BNC2: variants seen among roughly 807,000 people sequenced by gnomAD.
BNC2 encodes basonuclin zinc finger protein 2.
In BNC2, 20 loss-of-function variants were observed where a neutral mutation model predicts 76.3. That is an observed-to-expected ratio of 0.26 (90% CI 0.18 to 0.38). The LOEUF (loss-of-function observed/expected upper bound fraction) is 0.38. Ranked by LOEUF, BNC2 falls within the 10% of genes least tolerant of loss-of-function variation. The pLI is 1.00. For missense variants in BNC2, 1,382 were observed against 1,399.8 expected (o/e 0.99, Z 0.20); for synonymous variants, 582 against 514.8 (o/e 1.13, Z -1.77).
chr9:16,756,006 C>G (rs764857189), intron 1 of BNC2, among the ~76,000 whole-genome samples: 1 of 152,184 alleles, frequency 6.6e-6, no homozygotes, highest in Non-Finnish European at 1.5e-5. Context: ...CAAACCAACG[C>G]TAGATATGTG....
chr9:16,640,874 T>C (rs1012254437), intron 3 of BNC2, among the ~76,000 whole-genome samples: 2 of 152,140 alleles, frequency 1.3e-5, no homozygotes, highest in Non-Finnish European at 2.9e-5. Context: ...TTTCAGTTCT[T>C]ACAGTGAAAC....
intron 1 of BNC2, among the ~76,000 whole-genome samples, chr9:16,837,006 A>G (rs1818722611): frequency 6.6e-6 from 1 of 152,226 alleles, no homozygotes; most frequent in Non-Finnish European, 1.5e-5. Context: ...AAAATTTACC[A>G]CATCATAAAT....
intron 1 of BNC2, among the ~76,000 whole-genome samples, chr9:16,829,927 G>A (rs926367865): frequency 1.3e-5 from 2 of 152,152 alleles, no homozygotes; most frequent in Non-Finnish European, 1.5e-5. Context: ...CCACCTACTT[G>A]TGCATGAATC....
intron 1 of BNC2, among the ~76,000 whole-genome samples, chr9:16,862,039 G>C (rs1430065303): frequency 1.3e-5 from 2 of 151,686 alleles, no homozygotes; most frequent in Non-Finnish European, 2.9e-5. Flanking sequence ...AGGGTGTAGA[G>C]AGACTGGAAG....
At chr9:16,540,156 ATTTTTTTTTT>A (rs36075261) in intron 5 of BNC2, among the ~76,000 whole-genome samples, 1 of 118,474 alleles carries the variant, frequency 8.4e-6, no homozygotes, top group African/African-American at 3.2e-5. Context: ...ATTTAACGTG[ATTTTTTTTTT>A]TTTTTTTTTT....
rs34523754 is a variant in BNC2, at chr9:16,497,978, GGTGTGTGTGTGTGTGTGTGTGT to G, written c.669+54530_669+54551del. ...ATCAATGAGTGGATAAAGAAACTGT[GGTGTGTGTGTGTGTGTGTGTGT>G]GTGTGTGTGTGTGTGTGTATGTATT... On this transcript the variant is annotated intron_variant, in intron 5 of 6. Coordinates refer to ENST00000380672, the MANE Select transcript of BNC2 (RefSeq NM_017637.6). Among the ~76,000 whole-genome samples, 1,341 of 134,862 alleles carry G rather than the reference GGTGTGTGTGTGTGTGTGTGTGT, an allele frequency of 9.9e-3. 30 individuals are homozygous for G. The highest frequency in any genetic ancestry group is 0.032 in the African/African-American group (1,233 of 38,126). The allele number at this position is 134,862 out of a possible 152,430, so 88.5% of individuals were successfully genotyped here.
At chr9:16,750,832 T>C (rs976756446) in intron 1 of BNC2, among the ~76,000 whole-genome samples, 1 of 152,240 alleles carries the variant, frequency 6.6e-6, no homozygotes, top group Admixed American at 6.5e-5. Context: ...TCAGAAATGT[T>C]GAAAAATTTG....
At chr9:16,457,116 T>G (rs1255152569) in intron 5 of BNC2, among the ~76,000 whole-genome samples, 2 of 152,198 alleles carry the variant, frequency 1.3e-5, no homozygotes, top group African/African-American at 2.4e-5. Context: ...TATGTAAATA[T>G]GCAAGAAGTG....
chr9:16,442,809 T>C (rs1379825814), intron 5 of BNC2, among the ~76,000 whole-genome samples: 1 of 151,900 alleles, frequency 6.6e-6, no homozygotes, highest in Non-Finnish European at 1.5e-5. Flanking sequence ...GTAGTCAAAT[T>C]GTTAAGAAAT....
chr9:16,721,249 C>A (rs762432272), intron 3 of BNC2, among the ~76,000 whole-genome samples: 17 of 152,000 alleles, frequency 1.1e-4, no homozygotes, highest in Admixed American at 6.6e-4. Context: ...GGAAAACATT[C>A]CCTCTATTAC....
At chr9:16,441,684 G>A (rs1398272960) in intron 5 of BNC2, among the ~76,000 whole-genome samples, 1 of 152,094 alleles carries the variant, frequency 6.6e-6, no homozygotes, top group African/African-American at 2.4e-5. Flanking sequence ...AACTCATCTG[G>A]AACAAAAGTA....
At chr9:16,820,899 A>G (rs1315373877) in intron 1 of BNC2, among the ~76,000 whole-genome samples, 5 of 152,172 alleles carry the variant, frequency 3.3e-5, no homozygotes, top group Non-Finnish European at 7.3e-5. Flanking sequence ...AACCAGGGCA[A>G]TGATGGCTTA....
At chr9:16,613,796 G>C (rs143100213) in intron 3 of BNC2, among the ~76,000 whole-genome samples, 5 of 152,298 alleles carry the variant, frequency 3.3e-5, no homozygotes, top group African/African-American at 1.2e-4. Flanking sequence ...AGAAGAAATA[G>C]TGACAAGCAC....
intron 1 of BNC2, among the ~76,000 whole-genome samples, chr9:16,843,515 G>A (rs1448628212): frequency 6.6e-6 from 1 of 152,196 alleles, no homozygotes; most frequent in Non-Finnish European, 1.5e-5. Flanking sequence ...TGTATTTTTA[G>A]TAGAGACAGG....
Position 16,851,697 on chromosome 9 carries a change from G to A in BNC2, c.3+18949C>T, listed in dbSNP as rs952011291. ...ACTGTTTTTAAAAACTTAAGTCACA[G>A]ATACCCAAAGAAGCCAGTGAAGCAT... On this transcript the variant is annotated intron_variant, in intron 1 of 6. Transcript: ENST00000380672. Among the ~76,000 whole-genome samples, 3 of 152,034 alleles carry A rather than the reference G, an allele frequency of 2.0e-5. No homozygotes were observed. The East Asian group carries it at 5.8e-4, about 29-fold the overall frequency.
intron 3 of BNC2, among the ~76,000 whole-genome samples, chr9:16,635,980 G>C (rs1407249856): frequency 6.7e-6 from 1 of 149,420 alleles, no homozygotes; most frequent in Admixed American, 6.6e-5. Context: ...AAGAGGGTTG[G>C]TTTGTTTGTT....
At chr9:16,514,377 C>T (rs7037176) in intron 5 of BNC2, among the ~76,000 whole-genome samples, 4 of 152,002 alleles carry the variant, frequency 2.6e-5, no homozygotes. Context: ...ACTGGGAGGA[C>T]AACAAAAGGA....
At chr9:16,628,620 C>G (rs1821067965) in intron 3 of BNC2, among the ~76,000 whole-genome samples, 1 of 152,136 alleles carries the variant, frequency 6.6e-6, no homozygotes, top group Non-Finnish European at 1.5e-5. Context: ...CGAACACACA[C>G]AAACACACAC....
intron 1 of BNC2, among the ~76,000 whole-genome samples, chr9:16,858,424 C>T (rs1037936624): frequency 6.6e-6 from 1 of 152,136 alleles, no homozygotes; most frequent in Non-Finnish European, 1.5e-5. Flanking sequence ...GACTTTTTTA[C>T]CTAAACAATA....
Sources: allele counts gnomAD v4.1 joint callset (sites outside exome capture counted in the v4.1 genomes callset), GRCh38; gene constraint gnomAD v4.1.1; transcripts MANE v1.5; gene names NCBI Gene and HGNC (gene_info 2026-07-23, HGNC 2026-07-21).